The following EGFLAM variants were observed in gnomAD, a reference collection of about 807,000 sequenced individuals.
The protein encoded by EGFLAM is EGF like, fibronectin type III and laminin G domains.
A neutral mutation model predicts 113.1 loss-of-function variants in EGFLAM; 79 were observed. The observed-to-expected ratio is 0.70, with a 90% CI of 0.58 to 0.84. EGFLAM has a LOEUF of 0.84. Ranked by LOEUF, EGFLAM falls within the 40% of genes least tolerant of loss-of-function variation. EGFLAM has a pLI of 0.00. For missense variants in EGFLAM, 1,265 were observed against 1,291.6 expected (o/e 0.98, Z 0.32); for synonymous variants, 504 against 487.6 (o/e 1.03, Z -0.44).
At chr5:38,289,723 C>A (rs1758264303) in intron 1 of EGFLAM, among the ~76,000 whole-genome samples, 1 of 152,176 alleles carries the variant, frequency 6.6e-6, no homozygotes, top group African/African-American at 2.4e-5. Context: ...ATATCCTACA[C>A]TGAAGGCAAG....
At chr5:38,266,024 C>G (rs976330325) in intron 1 of EGFLAM, among the ~76,000 whole-genome samples, 1 of 152,320 alleles carries the variant, frequency 6.6e-6, no homozygotes, top group African/African-American at 2.4e-5. Context: ...ACATGTTGCT[C>G]TGGGCATCTG....
At chr5:38,434,929 C>T (rs944865741) in intron 15 of EGFLAM, among the ~76,000 whole-genome samples, 1 of 152,148 alleles carries the variant, frequency 6.6e-6, no homozygotes, top group African/African-American at 2.4e-5. Context: ...GTCTCAGAGA[C>T]TTTAAGACGT....
At chr5:38,298,839 C>T (rs1264817594) in intron 1 of EGFLAM, among the ~76,000 whole-genome samples, 1 of 151,912 alleles carries the variant, frequency 6.6e-6, no homozygotes, top group East Asian at 1.9e-4. Context: ...TTGCTGGGAC[C>T]ACAGGCGCAC....
At position 38,299,204 on chromosome 5, in the gene EGFLAM, A is replaced by C. The variant is rs6885631; in HGVS notation, c.98-38316A>C. Reference sequence around the variant, plus strand: ...CCCTCGGCTATGGCTTTTATTGTGTAACACACAAGGAAGAATGAGAACAGA... The same window carrying C: ...CCCTCGGCTATGGCTTTTATTGTGTCACACACAAGGAAGAATGAGAACAGA... On this transcript the variant is annotated intron_variant, in intron 1 of 21. Coordinates refer to ENST00000322350, the MANE Select transcript of EGFLAM (RefSeq NM_152403.4). 3.5e-3 allele frequency among the ~76,000 whole-genome samples: 537 copies of C among 152,298 alleles called. 5 individuals carry two copies. The highest frequency in any genetic ancestry group is 0.012 in the African/African-American group (510 of 41,564).
chr5:38,393,233 C>A (rs1361818911), intron 6 of EGFLAM, among the ~76,000 whole-genome samples: 1 of 152,126 alleles, frequency 6.6e-6, no homozygotes, highest in African/African-American at 2.4e-5. Context: ...GATTTAATCA[C>A]CACCTTATAT....
In EGFLAM at chr5:38,434,826, G is replaced by A. The variant is rs566436770; in HGVS notation, c.2167-311G>A. Reference sequence around the variant, plus strand: ...GGAGGCAATCTTCCTGTGGGGAGGGGTACCTGTGAACGGTAGTGCAGTCTG... The same window carrying A: ...GGAGGCAATCTTCCTGTGGGGAGGGATACCTGTGAACGGTAGTGCAGTCTG... On this transcript the variant is annotated intron_variant, in intron 15 of 21. Transcript: ENST00000322350. Among the ~76,000 whole-genome samples the A allele has an allele frequency of 6.6e-5, 10 of 152,328 alleles. No homozygotes were observed. The South Asian group carries it at 2.1e-3, about 32-fold the overall frequency.
At chr5:38,325,878 C>A (rs1431452033) in intron 1 of EGFLAM, among the ~76,000 whole-genome samples, 2 of 151,680 alleles carry the variant, frequency 1.3e-5, no homozygotes, top group South Asian at 2.1e-4. Flanking sequence ...ATTTTATTTA[C>A]CTTTATTTTC....
At position 38,464,021 on chromosome 5, in the gene EGFLAM, T is replaced by C; in HGVS notation, c.*35T>C. On this transcript the variant is annotated 3_prime_UTR_variant, in exon 22 of 22. Coordinates refer to ENST00000322350, the MANE Select transcript of EGFLAM (RefSeq NM_152403.4). ...GCCTTGTCCAAGGGACAGAGCCTTC[T>C]ATTCTGAGAATCCCAGGGGCCCTCA... is the stretch of plus-strand genomic sequence containing the variant. The C allele has an allele frequency of 6.2e-7, 1 of 1,613,452 alleles. No individual in the cohort carries two copies. The highest frequency in any genetic ancestry group is 1.1e-5 in the South Asian group (1 of 90,946).
rs1337753766 is a variant in EGFLAM at position 38,289,562 on chromosome 5, A to T, written c.97+30711A>T. 2.0e-5 allele frequency among the ~76,000 whole-genome samples: 3 copies of T among 152,218 alleles called. No homozygotes were observed. In the East Asian group the frequency reaches 5.8e-4, roughly 29 times the overall value. On this transcript the variant is annotated intron_variant, in intron 1 of 21. Transcript: ENST00000322350. ...GAATTTTGTCAGTTTCTGATAGAGG[A>T]GGAAAGTGGACAGAAGGATCTCACA...
chr5:38,264,487 A>T (rs1757583367), intron 1 of EGFLAM, among the ~76,000 whole-genome samples: 1 of 152,188 alleles, frequency 6.6e-6, no homozygotes, highest in African/African-American at 2.4e-5. Context: ...TGGTAGAGAT[A>T]CATGCACCTC....
chr5:38,340,327 T>C (rs1739303664), intron 3 of EGFLAM, among the ~76,000 whole-genome samples: 1 of 152,188 alleles, frequency 6.6e-6, no homozygotes, highest in African/African-American at 2.4e-5. Flanking sequence ...TATTCTCTTG[T>C]GAGGATCAAA....
intron 1 of EGFLAM, among the ~76,000 whole-genome samples, chr5:38,331,149 T>C (rs755491694): frequency 7.2e-5 from 11 of 152,040 alleles, no homozygotes; most frequent in Non-Finnish European, 1.3e-4. Context: ...GGTAGAGAGA[T>C]TTCCCATATA....
At chr5:38,277,985 T>C (rs10473091) in intron 1 of EGFLAM, among the ~76,000 whole-genome samples, 62,906 of 151,806 alleles carry the variant, frequency 0.41, 13,561 homozygotes, top group Middle Eastern at 0.58. Flanking sequence ...TACAGATTCA[T>C]TGCAATCCCT....
At chr5:38,310,026 A>G (rs1738386416) in intron 1 of EGFLAM, among the ~76,000 whole-genome samples, 1 of 152,214 alleles carries the variant, frequency 6.6e-6, no homozygotes, top group Non-Finnish European at 1.5e-5. Context: ...GACCTCAAGG[A>G]TTGCCGAGTG....
chr5:38,284,632 G>A (rs1006411209), intron 1 of EGFLAM, among the ~76,000 whole-genome samples: 1 of 152,146 alleles, frequency 6.6e-6, no homozygotes, highest in Admixed American at 6.5e-5. Context: ...ATTCATCACT[G>A]ACATTGTGAA....
chr5:38,341,500 C>T (rs983455846), intron 3 of EGFLAM, among the ~76,000 whole-genome samples: 1 of 152,212 alleles, frequency 6.6e-6, no homozygotes, highest in East Asian at 1.9e-4. Context: ...GGGATTATTA[C>T]AATTCAAGGT....
chr5:38,270,672 TA>T (rs1757744242), intron 1 of EGFLAM, among the ~76,000 whole-genome samples: 2 of 152,336 alleles, frequency 1.3e-5, no homozygotes, highest in South Asian at 2.1e-4. Context: ...TGATTCCAGA[TA>T]GAGTAGTTTC....
intron 3 of EGFLAM, among the ~76,000 whole-genome samples, chr5:38,348,993 G>A (rs10040677): frequency 0.019 from 2,836 of 152,256 alleles, 97 homozygotes; most frequent in African/African-American, 0.066. Flanking sequence ...GGCCTCAGTC[G>A]TTTAGATCAC....
At chr5:38,463,732 T>G in intron 21 of EGFLAM, 100 bp from the exon 22 acceptor site, 1 of 1,462,260 alleles carries the variant, frequency 6.8e-7, no homozygotes, top group South Asian at 1.3e-5. Context: ...AAGGGATGCC[T>G]TGGCCAGCAG....
Sources: gnomAD v4.1 joint callset for allele counts (sites outside exome capture counted in the v4.1 genomes callset) on GRCh38, gnomAD v4.1.1 for gene constraint, MANE v1.5 for transcripts, NCBI Gene and HGNC (gene_info 2026-07-23, HGNC 2026-07-21) for gene names.